EGF: variants seen among roughly 807,000 people sequenced by gnomAD.
The protein encoded by EGF is epidermal growth factor, also known as pro-epidermal growth factor.
A neutral mutation model predicts 143.8 loss-of-function variants in EGF; 95 were observed. The ratio of observed to expected loss-of-function variants is 0.66; its 90% CI spans 0.56 to 0.78. EGF has a LOEUF of 0.78. Among genes scored for constraint, EGF ranks in the 30% least tolerant of loss-of-function variants. The pLI is 0.00. For missense variants in EGF, 1,320 were observed against 1,470.9 expected (o/e 0.90, Z 1.68); for synonymous variants, 510 against 510.5 (o/e 1.00, Z 0.01).
rs555976587 is a variant in EGF, at chr4:109,936,795, T to G, written c.128-4151T>G. ...TTTATTTCTCCCTTAATTTCGTTATTTACCCAGTAGTCATTCAGGAGAAGG... is the reference window on the plus strand; with the variant it reads ...TTTATTTCTCCCTTAATTTCGTTATGTACCCAGTAGTCATTCAGGAGAAGG... On this transcript the variant is annotated intron_variant, in intron 1 of 23. Coordinates refer to ENST00000265171, the MANE Select transcript of EGF (RefSeq NM_001963.6). Among the ~76,000 whole-genome samples the G allele has an allele frequency of 7.9e-5, 12 of 152,354 alleles. 1 individual carries two copies. Among genetic ancestry groups the G allele is most frequent in the African/African-American group, 2.6e-4 (11 of 41,584 alleles).
chr4:109,991,062 G>A (rs573840356), intron 18 of EGF, among the ~76,000 whole-genome samples: 1 of 152,206 alleles, frequency 6.6e-6, no homozygotes, highest in South Asian at 2.1e-4. Flanking sequence ...TAGTCACTGA[G>A]GTTTCACTTC....
intron 11 of EGF, among the ~76,000 whole-genome samples, chr4:109,970,836 A>G (rs2126087946): frequency 6.6e-6 from 1 of 151,826 alleles, no homozygotes; most frequent in South Asian, 2.1e-4. Context: ...AAAAAAAAAA[A>G]AAAAAAAAAA....
intron 13 of EGF, 82 bp downstream of exon 13, chr4:109,976,317 A>C: frequency 1.7e-6 from 2 of 1,192,206 alleles, no homozygotes; most frequent in Non-Finnish European, 2.4e-6. Flanking sequence ...ACACACACAC[A>C]CATACCACTT....
rs562409162 is a variant in EGF, at chr4:109,915,464, A to G, written c.127+2002A>G. Reference sequence around the variant, plus strand: ...ATGAGATGCCGTATTTGAACAGTGCAGTGACACGGCACAGATCCATGGAGT... The same window carrying G: ...ATGAGATGCCGTATTTGAACAGTGCGGTGACACGGCACAGATCCATGGAGT... On this transcript the variant is annotated intron_variant, in intron 1 of 23. Transcript: ENST00000265171. Among the ~76,000 whole-genome samples, 11 of 152,276 alleles carry G rather than the reference A, an allele frequency of 7.2e-5. No individual in the cohort carries two copies. The South Asian group carries it at 2.3e-3, about 32-fold the overall frequency.
Position 110,011,650 on chromosome 4 carries a change from C to CCAGTACTCTTACTTGG in EGF, c.*195_*196insCAGTACTCTTACTTGG. The CCAGTACTCTTACTTGG allele has an allele frequency of 1.2e-6, 1 of 805,724 alleles. No individual in the cohort carries two copies. The highest frequency in any genetic ancestry group is 1.9e-6 in the Non-Finnish European group (1 of 522,446). 49.9% of individuals were successfully genotyped at this position (805,724 alleles called of 1,614,324 possible). On this transcript the variant is annotated 3_prime_UTR_variant, in exon 24 of 24. Coordinates refer to ENST00000265171, the MANE Select transcript of EGF (RefSeq NM_001963.6). ...AGCAGTCTCACTGCAGTCTTATTTC[C>CCAGTACTCTTACTTGG]AAGTAAGAGTACTGGGAGAATCACT...
intron 15 of EGF, among the ~76,000 whole-genome samples, chr4:109,982,729 C>T (rs1056215189): frequency 6.6e-6 from 1 of 152,080 alleles, no homozygotes; most frequent in African/African-American, 2.4e-5. Context: ...CATACTAAGA[C>T]ACCAGCTGTT....
At chr4:109,917,595 G>A (rs974062771) in intron 1 of EGF, among the ~76,000 whole-genome samples, 16 of 151,818 alleles carry the variant, frequency 1.1e-4, no homozygotes, top group Admixed American at 2.6e-4. Flanking sequence ...GGCTTCTATT[G>A]ATCCCATGTG....
intron 5 of EGF, among the ~76,000 whole-genome samples, chr4:109,950,763 T>C (rs1427036308): frequency 6.6e-6 from 1 of 152,188 alleles, no homozygotes; most frequent in Non-Finnish European, 1.5e-5. Context: ...CTGTCTCTCC[T>C]CATCCTCTGA....
chr4:109,921,269 T>C (rs569479534), intron 1 of EGF, among the ~76,000 whole-genome samples: 1 of 151,494 alleles, frequency 6.6e-6, no homozygotes, highest in African/African-American at 2.5e-5. Context: ...CTTCAGTTGT[T>C]TTAGCCAAAT....
At chr4:109,969,160 G>A (rs748958011) in intron 11 of EGF, 41 bp downstream of exon 11, 3 of 1,612,954 alleles carry the variant, frequency 1.9e-6, no homozygotes, top group Non-Finnish European at 2.5e-6. Context: ...TGAGATGGGA[G>A]TGATGGGATA....
At chr4:109,943,752 C>A (rs1387519886) in intron 3 of EGF, 90 bp from the exon 4 acceptor site, 8 of 1,111,842 alleles carry the variant, frequency 7.2e-6, no homozygotes, top group Admixed American at 5.6e-5. Flanking sequence ...CAAACTTGCC[C>A]TGTGAAGGAG....
At chr4:109,946,698 A>T (rs2126017051) in intron 5 of EGF, among the ~76,000 whole-genome samples, 1 of 152,272 alleles carries the variant, frequency 6.6e-6, no homozygotes, top group South Asian at 2.1e-4. Context: ...TAGCCACCAT[A>T]TATACAGTAG....
chr4:109,950,613 T>C (rs1372339349), intron 5 of EGF, among the ~76,000 whole-genome samples: 1 of 152,198 alleles, frequency 6.6e-6, no homozygotes, highest in African/African-American at 2.4e-5. Context: ...ATTTCTCAGC[T>C]TCTTCTCTCA....
At chr4:109,949,646 AT>A (rs534729634) in intron 5 of EGF, among the ~76,000 whole-genome samples, 3 of 151,034 alleles carry the variant, frequency 2.0e-5, no homozygotes, top group Admixed American at 6.6e-5. Context: ...CTCTAGACAA[AT>A]TTTTTTAAAA....
Position 109,969,038 on chromosome 4 carries a change from G to C in EGF, c.1643G>C (p.Arg548Thr), listed in dbSNP as rs373947240. The C allele has an allele frequency of 6.2e-7, 1 of 1,614,086 alleles. No homozygotes were observed. Among genetic ancestry groups the C allele is most frequent in the Non-Finnish European group, 8.5e-7 (1 of 1,180,032 alleles). Residue 548 changes from arginine to threonine, a missense_variant, in exon 11 of 24, where the codon AGG becomes ACG. Coordinates refer to ENST00000265171, the MANE Select transcript of EGF (RefSeq NM_001963.6). ...RANMDGSQRE[R>T]LIEEGVDVPE... ...AATATGGATGGTTCCCAGCGAGAAA[G>C]GCTTATTGAGGAAGGAGTAGATGTG...
intron 11 of EGF, among the ~76,000 whole-genome samples, chr4:109,973,075 G>A (rs892802510): frequency 6.6e-6 from 1 of 152,186 alleles, no homozygotes; most frequent in African/African-American, 2.4e-5. Flanking sequence ...CATTGGGAAA[G>A]GGAGGCTCTT....
chr4:110,004,423 G>A, intron 21 of EGF, 82 bp from the exon 22 acceptor site: 1 of 1,161,776 alleles, frequency 8.6e-7, no homozygotes, highest in East Asian at 2.3e-5. Context: ...AGCAAAAGCA[G>A]TTAGTTGTCC....
At chr4:110,003,371 T>C (rs1191660551) in intron 21 of EGF, among the ~76,000 whole-genome samples, 2 of 152,210 alleles carry the variant, frequency 1.3e-5, no homozygotes, top group African/African-American at 2.4e-5. Context: ...CTGGTACAAA[T>C]TATAACGTTG....
Position 109,969,043 on chromosome 4 carries a change from A to G in EGF, c.1648A>G (p.Ile550Val), listed in dbSNP as rs1407092764. The change falls in exon 11 of 24, where the codon ATT becomes GTT. Residue 550 changes from isoleucine to valine, a missense_variant. Physicochemically the swap from Ile to Val is conservative, Grantham distance 29. Around this residue, in one of 5 missense-constraint regions of EGF, gnomAD observed 1,186 missense variants for 1,313.7 expected, o/e 0.90. Coordinates refer to ENST00000265171, the MANE Select transcript of EGF (RefSeq NM_001963.6). ...GGATGGTTCCCAGCGAGAAAGGCTTATTGAGGAAGGAGTAGATGTGCCAGA... is the reference window on the plus strand; with the variant it reads ...GGATGGTTCCCAGCGAGAAAGGCTTGTTGAGGAAGGAGTAGATGTGCCAGA... Reference protein sequence around the residue: ...NMDGSQRERLIEEGVDVPEGL... With the variant: ...NMDGSQRERLVEEGVDVPEGL... 6 of 1,614,186 alleles carry G rather than the reference A, an allele frequency of 3.7e-6. No homozygotes were observed. The South Asian group carries it at 6.6e-5, about 18-fold the overall frequency.
Sources: gnomAD v4.1 joint callset for allele counts (sites outside exome capture counted in the v4.1 genomes callset) on GRCh38, gnomAD v4.1.1 for gene constraint, gnomAD v4.1.1 regional missense constraint, MANE v1.5 for transcripts, NCBI Gene and HGNC (gene_info 2026-07-23, HGNC 2026-07-21) for gene names.